TUT4: variants seen among roughly 807,000 people sequenced by gnomAD.
The protein encoded by TUT4 is terminal uridylyl transferase 4.
TUT4 carries 36 observed loss-of-function variants against 192.2 expected under a neutral mutation model. The ratio of observed to expected loss-of-function variants is 0.19; its 90% CI spans 0.14 to 0.25. TUT4 has a LOEUF of 0.25. Among genes scored for constraint, TUT4 ranks in the 10% least tolerant of loss-of-function variants. TUT4 has a pLI of 1.00. For synonymous variants in TUT4, 618 were observed against 666.0 expected, an observed-to-expected ratio of 0.93 and a Z score of 1.11; for missense variants, 1,493 against 1,957.2, an observed-to-expected ratio of 0.76 and a Z score of 4.47.
intron 2 of TUT4, among the ~76,000 whole-genome samples, chr1:52,520,930 C>CT (rs1270968212): frequency 6.6e-6 from 1 of 151,992 alleles, no homozygotes; most frequent in Non-Finnish European, 1.5e-5. Context: ...GTAGCTGGTG[C>CT]TACAGGCACA....
At chr1:52,454,510 A>T (rs1280770733) in intron 20 of TUT4, among the ~76,000 whole-genome samples, 1 of 152,236 alleles carries the variant, frequency 6.6e-6, no homozygotes, top group Non-Finnish European at 1.5e-5. Context: ...GTATTGAAAC[A>T]AATGAACATC....
At chr1:52,496,310 CTT>C (rs1450368055) in intron 5 of TUT4, among the ~76,000 whole-genome samples, 1 of 151,966 alleles carries the variant, frequency 6.6e-6, no homozygotes, top group Non-Finnish European at 1.5e-5. Context: ...TTACATGTAA[CTT>C]AAACAAGGAT....
At chr1:52,425,587 T>C (rs1649606200) in intron 28 of TUT4, 80 bp from the exon 29 acceptor site, 1 of 1,445,312 alleles carries the variant, frequency 6.9e-7, no homozygotes, top group Admixed American at 2.6e-5. Context: ...CACAAAGATA[T>C]ATTCAGTACC....
At chr1:52,533,880 C>T (rs951798835) in intron 1 of TUT4, among the ~76,000 whole-genome samples, 2 of 152,150 alleles carry the variant, frequency 1.3e-5, no homozygotes, top group Non-Finnish European at 1.5e-5. Flanking sequence ...GCACAAAAAT[C>T]GTTTGAACCT....
chr1:52,504,458 C>T (rs974113993), intron 4 of TUT4, among the ~76,000 whole-genome samples: 4 of 151,964 alleles, frequency 2.6e-5, no homozygotes, highest in South Asian at 2.1e-4. Context: ...GGTGAAACCC[C>T]GTCTCTACTA....
In TUT4 at chr1:52,525,776, T is replaced by C; in HGVS notation, c.505A>G (p.Lys169Glu). The change falls in exon 2 of 30, where the codon AAA becomes GAA. Residue 169 changes from lysine (K) to glutamate (E), a missense_variant. This residue lies in a region of TUT4 where 260 missense variants were observed against 247.8 expected (regional missense o/e 1.05). Transcript: ENST00000257177. ...AATTCTGTCTTCTGTCTCATGTCTTTCAACAGTAAACTGGGTCCCTTTTCT... is the reference window on the plus strand; with the variant it reads ...AATTCTGTCTTCTGTCTCATGTCTTCCAACAGTAAACTGGGTCCCTTTTCT... ...EAEKGPSLLL[K>E]DMRQKTELQQ... The C allele has an allele frequency of 3.7e-6, 6 of 1,614,210 alleles. No homozygotes were observed. Among genetic ancestry groups the C allele is most frequent in the Non-Finnish European group, 5.1e-6 (6 of 1,180,034 alleles).
chr1:52,518,657 G>A (rs1264633373), intron 2 of TUT4, among the ~76,000 whole-genome samples: 4 of 152,138 alleles, frequency 2.6e-5, no homozygotes, highest in Non-Finnish European at 4.4e-5. Flanking sequence ...ACTGATACAC[G>A]TTACAACATG....
chr1:52,545,146 T>G (rs1260441892), intron 1 of TUT4, among the ~76,000 whole-genome samples: 2 of 150,744 alleles, frequency 1.3e-5, no homozygotes, highest in African/African-American at 2.4e-5. Flanking sequence ...GAGGCCGAAG[T>G]GAGTGGAACA....
chr1:52,473,230 A>G (rs908443148), intron 13 of TUT4, among the ~76,000 whole-genome samples: 1 of 152,176 alleles, frequency 6.6e-6, no homozygotes, highest in Non-Finnish European at 1.5e-5. Context: ...CAACAGATGT[A>G]TATTTACATA....
Position 52,431,197 on chromosome 1 carries a change from A to G in TUT4, c.4527T>C (p.His1509=), listed in dbSNP as rs112280365. 2.5e-6 allele frequency: 4 copies of G among 1,614,218 alleles called. No individual in the cohort carries two copies. The highest frequency in any genetic ancestry group is 2.2e-5 in the South Asian group (2 of 91,086). ...CTGGTGCAGAGTGGATCACTGGGCC[A>G]TGGATGGGCCAGGACGGGGCAGGGA... ...LQIPAPSWPI[H]GPVIHSAPGS... Residue 1509 remains histidine, a synonymous_variant, in exon 28 of 30, where the codon CAT becomes CAC. Transcript: ENST00000257177.
chr1:52,439,222 T>C (rs141207824), intron 24 of TUT4, among the ~76,000 whole-genome samples: 2 of 152,190 alleles, frequency 1.3e-5, no homozygotes, highest in African/African-American at 4.8e-5. Context: ...GTGGCGAAAC[T>C]CTGTCTCTAA....
chr1:52,428,994 T>C (rs368088689), intron 28 of TUT4, among the ~76,000 whole-genome samples: 2 of 152,076 alleles, frequency 1.3e-5, no homozygotes, highest in African/African-American at 2.4e-5. Flanking sequence ...TAGCAAATTA[T>C]TGATAACTGT....
At chr1:52,438,168 T>C (rs1654402823) in intron 25 of TUT4, 52 bp downstream of exon 25, 2 of 1,344,900 alleles carry the variant, frequency 1.5e-6, no homozygotes, top group Admixed American at 1.8e-5. Context: ...TAGCTACAAA[T>C]TGGCCTCTCA....
chr1:52,440,565 T>C (rs1286934271), intron 24 of TUT4, among the ~76,000 whole-genome samples: 1 of 152,002 alleles, frequency 6.6e-6, no homozygotes, highest in Non-Finnish European at 1.5e-5. Flanking sequence ...TCACCCAAGA[T>C]GCTTAAGACA....
In TUT4 at chr1:52,509,825, T is replaced by C. The variant is rs185940994; in HGVS notation, c.883-113A>G. 9.5e-6 allele frequency: 7 copies of C among 735,010 alleles called. No individual in the cohort carries two copies. In the African/African-American group the frequency reaches 1.3e-4, roughly 13 times the overall value. The allele number at this position is 735,010 out of a possible 1,614,324, so 45.5% of individuals were successfully genotyped here. A position where few individuals can be genotyped will look rare whatever the true frequency, so the allele number is the denominator to read the frequency against. On this transcript the variant is annotated intron_variant, in intron 3 of 29. Transcript: ENST00000257177. ...AGTAGACAGAAATAAGCACTGAAGG[T>C]TTTTTCTTTATCCTTTCCTTCTTCT...
intron 1 of TUT4, among the ~76,000 whole-genome samples, chr1:52,542,961 G>A (rs1025304923): frequency 1.2e-4 from 18 of 151,960 alleles, no homozygotes; most frequent in African/African-American, 3.4e-4. Context: ...CTCCATGTTC[G>A]TCAGGCTGGT....
chr1:52,463,488 C>T (rs1663186522), intron 16 of TUT4: 1 of 1,056,698 alleles, frequency 9.5e-7, no homozygotes, highest in Non-Finnish European at 1.2e-6. Flanking sequence ...AACCACCGTT[C>T]AAAAGAATGA....
chr1:52,468,067 A>T, intron 15 of TUT4, 114 bp downstream of exon 15: 1 of 750,390 alleles, frequency 1.3e-6, no homozygotes, highest in South Asian at 1.8e-5. Flanking sequence ...CTGTATTCCC[A>T]GCAACTAGAA....
At chr1:52,513,393 C>CAAAA (rs554170439) in intron 3 of TUT4, among the ~76,000 whole-genome samples, 4 of 42,088 alleles carry the variant, frequency 9.5e-5, no homozygotes, top group African/African-American at 3.5e-4. Context: ...GACCCTGTCT[C>CAAAA]AAAAAAAAAA....
Sources: gnomAD v4.1 joint callset for allele counts (sites outside exome capture counted in the v4.1 genomes callset) on GRCh38, gnomAD v4.1.1 for gene constraint, gnomAD v4.1.1 regional missense constraint, MANE v1.5 for transcripts, NCBI Gene and HGNC (gene_info 2026-07-23, HGNC 2026-07-21) for gene names.